The following CACNA1G variants were observed in gnomAD, a reference collection of about 807,000 sequenced individuals.
The protein encoded by CACNA1G is voltage-dependent T-type calcium channel subunit alpha-1G.
In CACNA1G, 67 loss-of-function variants were observed where a neutral mutation model predicts 219.4. The observed-to-expected ratio is 0.31, with a 90% confidence interval of 0.25 to 0.37. The LOEUF (loss-of-function observed/expected upper bound fraction) is 0.37, where lower values mean the gene tolerates loss of function less well. Ranked by LOEUF, CACNA1G falls within the 10% of genes least tolerant of loss-of-function variation. The probability of loss-of-function intolerance (pLI) is 1.00; values close to 1 mark genes in which losing one functional copy is unlikely to be tolerated. For missense variants in CACNA1G, 2,380 were observed against 3,231.4 expected (o/e 0.74, Z 6.39); for synonymous variants, 1,296 against 1,345.3 (o/e 0.96, Z 0.80).
intron 27 of CACNA1G, 51 bp downstream of exon 27, chr17:50,615,563 C>T (rs767769728): frequency 1.9e-6 from 3 of 1,589,098 alleles, no homozygotes; most frequent in African/African-American, 2.7e-5. Context: ...AGCTGAGGAA[C>T]CTCTGGGCAA....
chr17:50,569,775 A>G lies in CACNA1G; in HGVS notation c.558A>G (p.Arg186=). ...FSAVRTVRVL[R]PLRAINRVPS... is the part of the protein sequence containing the mutation. ...CTGTCAGGACAGTCCGTGTGCTGCG[A>G]CCGCTCAGGGCCATTAACCGGGTGC... Residue 186 remains arginine, a synonymous_variant, in exon 4 of 38, where the codon CGA becomes CGG. Coordinates refer to ENST00000359106, the MANE Select transcript of CACNA1G (RefSeq NM_018896.5). 6.4e-7 allele frequency: 1 copy of G among 1,550,548 alleles called. No individual in the cohort carries two copies. Among genetic ancestry groups the G allele is most frequent in the Non-Finnish European group, 8.7e-7 (1 of 1,146,802 alleles).
chr17:50,591,410 C>G (rs1054456342), intron 10 of CACNA1G, 25 bp from the exon 11 acceptor site: 3 of 1,513,950 alleles, frequency 2.0e-6, no homozygotes, highest in Non-Finnish European at 1.8e-6. Context: ...GTGCAGGGGG[C>G]TCAGGCTGCC....
chr17:50,587,247 G>A (rs963781520), intron 9 of CACNA1G, among the ~76,000 whole-genome samples: 1 of 152,166 alleles, frequency 6.6e-6, no homozygotes, highest in Non-Finnish European at 1.5e-5. Flanking sequence ...GGAGGGTGAT[G>A]TGACCTCCAT....
In CACNA1G at chr17:50,576,143, G is replaced by A. The variant is rs780152569; in HGVS notation, c.1741G>A (p.Gly581Ser). Residue 581 changes from glycine (G) to serine (S), a missense_variant, in exon 8 of 38, where the codon GGC (glycine) becomes AGC (serine). By Grantham distance (56) the Gly-to-Ser change is moderately conservative. Coordinates refer to ENST00000359106, the MANE Select transcript of CACNA1G (RefSeq NM_018896.5). Reference protein sequence around the residue: ...PPPRSPSEASGRTVGSGKVYP... With the variant: ...PPPRSPSEASSRTVGSGKVYP... ...TCCCAGGTCCCCATCTGAGGCATCC[G>A]GCAGGACTGTGGGCAGCGGGAAGGT... The A allele has an allele frequency of 6.3e-5, 102 of 1,607,546 alleles. No homozygotes were observed. The highest frequency in any genetic ancestry group is 7.8e-5 in the Non-Finnish European group (92 of 1,177,794).
In CACNA1G at chr17:50,615,524, T is replaced by C. The variant is rs2050322548; in HGVS notation, c.4911+12T>C. The C allele has an allele frequency of 2.5e-6, 4 of 1,610,560 alleles. No homozygotes were observed. Among genetic ancestry groups the C allele is most frequent in the African/African-American group, 1.3e-5 (1 of 74,842 alleles). On this transcript the variant is annotated intron_variant, in intron 27 of 37. Coordinates refer to ENST00000359106, the MANE Select transcript of CACNA1G (RefSeq NM_018896.5). ...ACCAGCAGCCCCAGGTAGGAGCGAG[T>C]GGACCAGCCATCTGGCCCCCCCACC...
At chr17:50,611,252 TAAAAA>T (rs11291581) in intron 26 of CACNA1G, among the ~76,000 whole-genome samples, 1 of 129,716 alleles carries the variant, frequency 7.7e-6, no homozygotes. Flanking sequence ...AGACTCCATT[TAAAAA>T]AAAAAAAAAA....
chr17:50,577,673 G>A (rs2041001950), intron 8 of CACNA1G, among the ~76,000 whole-genome samples: 1 of 151,956 alleles, frequency 6.6e-6, no homozygotes, highest in South Asian at 2.1e-4. Context: ...GTGTTGGTAT[G>A]TGCATGTATG....
At chr17:50,561,731 G>C in intron 1 of CACNA1G, 30 bp downstream of exon 1, 1 of 1,531,992 alleles carries the variant, frequency 6.5e-7, no homozygotes, top group African/African-American at 1.4e-5. Context: ...GGCCAGGCGC[G>C]GGGTCAGAAG....
rs1398455080 is a variant in CACNA1G, at chr17:50,599,584, A to G, written c.3415A>G (p.Ser1139Gly). The G allele has an allele frequency of 6.2e-7, 1 of 1,613,164 alleles. No individual in the cohort carries two copies. The change falls in exon 17 of 38, where the codon AGC becomes GGC. Residue 1139 changes from serine (S) to glycine (G), a missense_variant. Transcript: ENST00000359106. ...RSLLSGEGQE[S>G]QDEEESSEEE... The stretch of plus-strand genomic sequence containing the variant: ...CCTGTTGTCGGGAGAAGGCCAGGAG[A>G]GCCAGGATGAAGAGGAGAGCTCAGA...
chr17:50,561,829 G>T (rs201629223), intron 1 of CACNA1G, 128 bp downstream of exon 1: 1 of 771,294 alleles, frequency 1.3e-6, no homozygotes, highest in South Asian at 2.1e-5. Flanking sequence ...GGCGGATGGG[G>T]GGGGGGCTGC....
At chr17:50,624,280 C>G (rs891708298) in intron 36 of CACNA1G, 80 bp from the exon 37 acceptor site, 7 of 1,308,682 alleles carry the variant, frequency 5.3e-6, no homozygotes, top group South Asian at 2.6e-5. Context: ...GAAGGGAGGG[C>G]TCAGGTGAGA....
chr17:50,567,628 C>A (rs1254380351), intron 1 of CACNA1G, among the ~76,000 whole-genome samples: 1 of 152,134 alleles, frequency 6.6e-6, no homozygotes, highest in Non-Finnish European at 1.5e-5. Context: ...ATACCTCCCC[C>A]ATCCCCATTC....
At chr17:50,569,391 C>T in intron 3 of CACNA1G, 93 bp downstream of exon 3, 1 of 1,332,940 alleles carries the variant, frequency 7.5e-7, no homozygotes, top group South Asian at 1.2e-5. Context: ...CAGCTCCAGC[C>T]CAGTTACAGC....
Position 50,619,722 on chromosome 17 carries a change from G to A in CACNA1G, c.5821G>A (p.Gly1941Ser), listed in dbSNP as rs2051330973. ...LFDTISLLIQ[G>S]SLEWELKLMD... ...TGACACCATATCCCTGCTGATCCAG[G>A]GCTCCCTGGAGTGGGAGCTGAAGCT... The change falls in exon 34 of 38, where the codon GGC (glycine) becomes AGC (serine). Residue 1941 changes from glycine to serine, a missense_variant. By Grantham distance (56) the Gly-to-Ser change is moderately conservative. Coordinates refer to ENST00000359106, the MANE Select transcript of CACNA1G (RefSeq NM_018896.5). 1 of 1,610,700 alleles carries A rather than the reference G, an allele frequency of 6.2e-7. No individual in the cohort carries two copies. The highest frequency in any genetic ancestry group is 8.5e-7 in the Non-Finnish European group (1 of 1,179,422).
chr17:50,620,875 G>C (rs1171372108), intron 34 of CACNA1G, among the ~76,000 whole-genome samples: 1 of 152,218 alleles, frequency 6.6e-6, no homozygotes, highest in East Asian at 1.9e-4. Context: ...AAAGGTTGTG[G>C]GAGAAGAGGA....
At chr17:50,563,359 C>T (rs1364839612) in intron 1 of CACNA1G, 3 of 152,342 alleles carry the variant, frequency 2.0e-5, no homozygotes, top group Non-Finnish European at 4.4e-5. Flanking sequence ...CCCCAGGCCC[C>T]TTTCTCCCAG....
In CACNA1G at chr17:50,603,834, C is replaced by A. The variant is rs150636001; in HGVS notation, c.4170-321C>A. Among the ~76,000 whole-genome samples, 28 of 152,234 alleles carry A rather than the reference C, an allele frequency of 1.8e-4. No individual in the cohort carries two copies. The highest frequency in any genetic ancestry group is 5.2e-4 in the Admixed American group (8 of 15,300). On this transcript the variant is annotated intron_variant, in intron 21 of 37. Coordinates refer to ENST00000359106, the MANE Select transcript of CACNA1G (RefSeq NM_018896.5). The surrounding 1 kb of genome is among the most constrained non-coding windows in gnomAD (Gnocchi z 6.4). ...TCCCCTACAAGTTTATCTCCTGGTG[C>A]CCCCAACCCACAATACACTGCATCT...
intron 26 of CACNA1G, among the ~76,000 whole-genome samples, chr17:50,612,820 C>T (rs181457124): frequency 6.6e-6 from 1 of 152,232 alleles, no homozygotes; most frequent in African/African-American, 2.4e-5. Context: ...CCACCTAAGG[C>T]AGCTCATCCT....
chr17:50,595,153 T>G, intron 14 of CACNA1G, 92 bp downstream of exon 14: 1 of 933,052 alleles, frequency 1.1e-6, no homozygotes, highest in East Asian at 2.7e-5. Flanking sequence ...GTGTTCACGC[T>G]CCGCTGCTGT....
Sources: allele counts gnomAD v4.1 joint callset (sites outside exome capture counted in the v4.1 genomes callset), GRCh38; gene constraint gnomAD v4.1.1; non-coding constraint Gnocchi (gnomAD v3.1); transcripts MANE v1.5; gene names NCBI Gene and HGNC (gene_info 2026-07-23, HGNC 2026-07-21).